CHD5: variants seen among roughly 807,000 people sequenced by gnomAD.
CHD5 encodes chromodomain helicase DNA binding protein 5.
In CHD5, 69 loss-of-function variants were observed where a neutral mutation model predicts 230.3. The observed-to-expected ratio is 0.30, with a 90% CI of 0.25 to 0.37. The LOEUF (loss-of-function observed/expected upper bound fraction) is 0.37. Ranked by LOEUF, CHD5 falls within the 10% of genes least tolerant of loss-of-function variation. The pLI is 1.00. For synonymous variants in CHD5, 1,064 were observed against 1,065.9 expected (o/e 1.00, Z 0.03); for missense variants, 1,827 against 2,622.8 (o/e 0.70, Z 6.63).
At chr1:6,133,993 C>A in intron 20 of CHD5, 135 bp downstream of exon 20, 1 of 820,418 alleles carries the variant, frequency 1.2e-6, no homozygotes. Flanking sequence ...TGACCCCTGA[C>A]ACACAGTCAC....
chr1:6,158,406 G>A (rs1667112040), intron 3 of CHD5, among the ~76,000 whole-genome samples: 1 of 152,188 alleles, frequency 6.6e-6, no homozygotes, highest in South Asian at 2.1e-4. Context: ...CACTTCTTGT[G>A]GCAAAGACTC....
chr1:6,109,560 G>A (rs143868288), intron 38 of CHD5, among the ~76,000 whole-genome samples: 35 of 152,330 alleles, frequency 2.3e-4, no homozygotes, highest in African/African-American at 7.5e-4. Flanking sequence ...GCCGGGGCCC[G>A]CACAGAGCAG....
At position 6,111,879 on chromosome 1, in the gene CHD5, C is replaced by T; in HGVS notation, c.5145G>A (p.Leu1715=). Reference sequence around the variant, plus strand: ...GCTCCTCGTTCTGCCACAGCGTGTGCAACTCTGGGAAACAAGCCAAGGTGA... The same window carrying T: ...GCTCCTCGTTCTGCCACAGCGTGTGTAACTCTGGGAAACAAGCCAAGGTGA... ...FNIADGGFTE[L]HTLWQNEERA... Residue 1715 remains leucine, a synonymous_variant, in exon 36 of 42, where the codon TTG becomes TTA. Transcript: ENST00000262450. 1.9e-6 allele frequency: 3 copies of T among 1,613,056 alleles called. No homozygotes were observed. The highest frequency in any genetic ancestry group is 1.1e-5 in the South Asian group (1 of 91,060).
At chr1:6,153,392 G>C (rs974238408) in intron 5 of CHD5, among the ~76,000 whole-genome samples, 1 of 152,232 alleles carries the variant, frequency 6.6e-6, no homozygotes, top group African/African-American at 2.4e-5. Flanking sequence ...GCAGGACAGG[G>C]AACAGACTCT....
At chr1:6,135,144 C>T in intron 18 of CHD5, 86 bp downstream of exon 18, 1 of 1,491,064 alleles carries the variant, frequency 6.7e-7, no homozygotes, top group Non-Finnish European at 9.3e-7. Context: ...GCTGAAGAGC[C>T]CTCCGCCCAC....
intron 7 of CHD5, 121 bp downstream of exon 7, chr1:6,150,911 G>A: frequency 1.6e-6 from 2 of 1,249,832 alleles, no homozygotes; most frequent in Non-Finnish European, 2.1e-6. Flanking sequence ...GCTTCCCACG[G>A]GGAGGTTCCA....
At position 6,128,422 on chromosome 1, in the gene CHD5, G is replaced by T; in HGVS notation, c.3730+77C>A. 2 of 1,310,296 alleles carry T rather than the reference G, an allele frequency of 1.5e-6. No homozygotes were observed. Among genetic ancestry groups the T allele is most frequent in the East Asian group, 2.4e-5 (1 of 41,842 alleles). The allele number at this position is 1,310,296 out of a possible 1,614,324, so 81.2% of individuals were successfully genotyped here. A position where few individuals can be genotyped will look rare whatever the true frequency, so the allele number is the denominator to read the frequency against. On this transcript the variant is annotated intron_variant, in intron 24 of 41. Transcript: ENST00000262450. The surrounding 1 kb of genome is among the most constrained non-coding windows in gnomAD (Gnocchi z 7.8). ...GTCCCAGGACGCCCAAGTGAGGGCA[G>T]GTCAGGGAACCCCTCCTCTGCAGGA...
intron 13 of CHD5, among the ~76,000 whole-genome samples, chr1:6,143,263 G>A (rs1032774286): frequency 2.0e-5 from 3 of 151,958 alleles, no homozygotes; most frequent in Non-Finnish European, 2.9e-5. Flanking sequence ...AAACTTCTGG[G>A]TTCAAGCGGT....
intron 1 of CHD5, 62 bp downstream of exon 1, chr1:6,179,883 G>T: frequency 1.0e-6 from 1 of 964,104 alleles, no homozygotes; most frequent in Non-Finnish European, 1.3e-6. Context: ...GCTCCGCCCT[G>T]GGCCCGGCCC....
chr1:6,159,402 C>T lies in CHD5; in HGVS notation c.321G>A (p.Lys107=). The change falls in exon 3 of 42, where the codon AAG becomes AAA. Residue 107 remains lysine (K), a synonymous_variant. Coordinates refer to ENST00000262450, the MANE Select transcript of CHD5 (RefSeq NM_015557.3). ...KKKKKKLKDK[K]EKKAKRKKKD... ...TCTTTTTTCGCTTGGCTTTTTTCTC[C>T]TTCTTGTCCTTGAGTTTCTTCTTCT... 6.4e-7 allele frequency: 1 copy of T among 1,555,086 alleles called. No homozygotes were observed. The highest frequency in any genetic ancestry group is 8.7e-7 in the Non-Finnish European group (1 of 1,147,920).
rs548872909 is a variant in CHD5, at chr1:6,146,098, G to C, written c.1802+114C>G. ...GCTGTGCCCACATGTGGTTCTGCACGGCAGCCCCAAAGCAAGGGCCCTGGC... is the reference window on the plus strand; with the variant it reads ...GCTGTGCCCACATGTGGTTCTGCACCGCAGCCCCAAAGCAAGGGCCCTGGC... On this transcript the variant is annotated intron_variant, in intron 11 of 41. Coordinates refer to ENST00000262450, the MANE Select transcript of CHD5 (RefSeq NM_015557.3). This position sits in a 1 kb window ranked among gnomAD's most constrained non-coding sequence, Gnocchi z 5.1. The C allele has an allele frequency of 2.6e-5, 26 of 1,010,940 alleles. No individual in the cohort carries two copies. The South Asian group carries it at 3.5e-4, about 13-fold the overall frequency. 62.6% of individuals were successfully genotyped at this position (1,010,940 alleles called of 1,614,324 possible). A position where few individuals can be genotyped will look rare whatever the true frequency, so the allele number is the denominator to read the frequency against.
Position 6,109,813 on chromosome 1 carries a change from T to A in CHD5, c.5560A>T (p.Asn1854Tyr), listed in dbSNP as rs774141281. 6.2e-7 allele frequency: 1 copy of A among 1,612,432 alleles called. No homozygotes were observed. The highest frequency in any genetic ancestry group is 8.5e-7 in the Non-Finnish European group (1 of 1,179,556). The change falls in exon 38 of 42, where the codon AAT becomes TAT. Residue 1854 changes from asparagine to tyrosine, a missense_variant. Physicochemically the swap from Asn to Tyr is moderately radical, Grantham distance 143. Transcript: ENST00000262450. ...TGCTCACCCTTGTGCAGGACGGCAT[T>A]GGCAGGCTTGTTCCCAGCAAGGGAC... ...KESLAGNKPA[N>Y]AVLHKVLNQL...
rs991573845 is a variant in CHD5, at chr1:6,126,924, C to T, written c.3904-178G>A. On this transcript the variant is annotated intron_variant, in intron 25 of 41. Coordinates refer to ENST00000262450, the MANE Select transcript of CHD5 (RefSeq NM_015557.3). The surrounding 1 kb of genome is among the most constrained non-coding windows in gnomAD (Gnocchi z 5.7). ...CCGGCCCTAGCTAGCTTTTCTCTCCCTGCCCCTATCCAGTCAATCATTTAC... is the reference window on the plus strand; with the variant it reads ...CCGGCCCTAGCTAGCTTTTCTCTCCTTGCCCCTATCCAGTCAATCATTTAC... Among the ~76,000 whole-genome samples, 2 of 152,222 alleles carry T rather than the reference C, an allele frequency of 1.3e-5. No individual in the cohort carries two copies. Among genetic ancestry groups the T allele is most frequent in the Non-Finnish European group, 2.9e-5 (2 of 68,044 alleles).
At position 6,142,173 on chromosome 1, in the gene CHD5, A is replaced by G. The variant is rs1253890454; in HGVS notation, c.2391T>C (p.Phe797=). The G allele has an allele frequency of 3.1e-6, 5 of 1,613,992 alleles. No homozygotes were observed. The African/African-American group carries it at 6.7e-5, about 22-fold the overall frequency. The change falls in exon 15 of 42, where the codon TTT becomes TTC. Residue 797 remains phenylalanine, a synonymous_variant. Coordinates refer to ENST00000262450, the MANE Select transcript of CHD5 (RefSeq NM_015557.3). This position sits in a 1 kb window ranked among gnomAD's most constrained non-coding sequence, Gnocchi z 5.2. Reference sequence around the variant, plus strand: ...TCCCACTCCGAATGGCGTTGTCCTCAAAGGAAAACTCGTTCTCCCGAATCA... The same window carrying G: ...TCCCACTCCGAATGGCGTTGTCCTCGAAGGAAAACTCGTTCTCCCGAATCA... The part of the protein sequence containing the change: ...RSVIRENEFS[F]EDNAIRSGKK...
chr1:6,179,929 C>T lies in CHD5; in HGVS notation c.79+16G>A. 2.3e-6 allele frequency: 3 copies of T among 1,295,032 alleles called. No homozygotes were observed. The highest frequency in any genetic ancestry group is 3.0e-6 in the Non-Finnish European group (3 of 1,001,366). The allele number at this position is 1,295,032 out of a possible 1,614,324, so 80.2% of individuals were successfully genotyped here. On this transcript the variant is annotated intron_variant, in intron 1 of 41. Coordinates refer to ENST00000262450, the MANE Select transcript of CHD5 (RefSeq NM_015557.3). Reference sequence around the variant, plus strand: ...CCCCGCCGCTCTGGCCCCAGGCGCACCCGCGCCCCGCTCACCTGACATCTC... The same window carrying T: ...CCCCGCCGCTCTGGCCCCAGGCGCATCCGCGCCCCGCTCACCTGACATCTC...
At chr1:6,168,006 T>A (rs1667281427) in intron 2 of CHD5, 144 bp downstream of exon 2, 1 of 989,186 alleles carries the variant, frequency 1.0e-6, no homozygotes, top group Non-Finnish European at 1.5e-6. Flanking sequence ...TACGAGAAAC[T>A]GGTTATGGTG....
Position 6,128,054 on chromosome 1 carries a change from C to G in CHD5, c.3895G>C (p.Asp1299His). The change falls in exon 25 of 42, where the codon GAC becomes CAC. Residue 1299 changes from aspartate to histidine, a missense_variant. Transcript: ENST00000262450. The surrounding 1 kb of genome is among the most constrained non-coding windows in gnomAD (Gnocchi z 7.8). ...KVAQYVVREE[D>H]GVEEVEREII... ...CGGGCCGGGGACCTTACCACGCCGT[C>G]CTCCTCGCGCACCACGTACTGCGCC... 6.2e-7 allele frequency: 1 copy of G among 1,607,516 alleles called. No homozygotes were observed. Among genetic ancestry groups the G allele is most frequent in the Non-Finnish European group, 8.5e-7 (1 of 1,177,264 alleles).
rs372147066 is a variant in CHD5 at position 6,121,244 on chromosome 1, A to G, written c.4780-7T>C. ...CCAAGGCGGCTGGAAGGGCCTGCAG[A>G]GGAAAAGCCAGGAGAACTACAAGGC... On this transcript the variant is annotated splice_region_variant and splice_polypyrimidine_tract_variant and intron_variant, in intron 32 of 41. Transcript: ENST00000262450. This position sits in a 1 kb window ranked among gnomAD's most constrained non-coding sequence, Gnocchi z 4.5. The G allele has an allele frequency of 3.7e-6, 6 of 1,604,562 alleles. No individual in the cohort carries two copies. The highest frequency in any genetic ancestry group is 5.1e-6 in the Non-Finnish European group (6 of 1,176,868).
intron 1 of CHD5, among the ~76,000 whole-genome samples, chr1:6,178,580 A>T (rs889723065): frequency 5.3e-5 from 8 of 151,888 alleles, no homozygotes; most frequent in African/African-American, 1.9e-4. Flanking sequence ...AATTCCAAGG[A>T]CCCAGGATAT....
Sources: allele counts gnomAD v4.1 joint callset (sites outside exome capture counted in the v4.1 genomes callset), GRCh38; gene constraint gnomAD v4.1.1; non-coding constraint Gnocchi (gnomAD v3.1); transcripts MANE v1.5; gene names NCBI Gene and HGNC (gene_info 2026-07-23, HGNC 2026-07-21).